The following WAPL variants were observed in gnomAD, a reference collection of about 807,000 sequenced individuals.
The protein encoded by WAPL is wings apart-like protein homolog.
A neutral mutation model predicts 121.0 loss-of-function variants in WAPL; 5 were observed. The observed-to-expected ratio is 0.04, with a 90% CI of 0.02 to 0.09. The LOEUF is 0.09. Ranked by LOEUF, WAPL falls within the 10% of genes least tolerant of loss-of-function variation. The pLI is 1.00. For missense variants in WAPL, 999 were observed against 1,410.8 expected, an observed-to-expected ratio of 0.71 and a Z score of 4.68; for synonymous variants, 480 against 481.5, an observed-to-expected ratio of 1.00 and a Z score of 0.04.
At chr10:86,447,066 G>C (rs1849640994) in intron 15 of WAPL, among the ~76,000 whole-genome samples, 1 of 152,168 alleles carries the variant, frequency 6.6e-6, no homozygotes, top group Non-Finnish European at 1.5e-5. Flanking sequence ...GACCCTATCA[G>C]GGAGTAAAGG....
rs1849303741 is a variant in WAPL, at chr10:86,435,735, GT to G, written c.*1807del. The G allele has an allele frequency of 6.6e-6, 1 of 152,506 alleles. No homozygotes were observed. The highest frequency in any genetic ancestry group is 1.5e-5 in the Non-Finnish European group (1 of 68,028). 9.4% of individuals were successfully genotyped at this position (152,506 alleles called of 1,614,324 possible). A position where few individuals can be genotyped will look rare whatever the true frequency, so the allele number is the denominator to read the frequency against. ...ATTACCAGTGTAACAGAAAAATGCA[GT>G]TCGCCCTGATTGTTCTCATCCAAAT... On this transcript the variant is annotated 3_prime_UTR_variant, in exon 19 of 19. Coordinates refer to ENST00000298767, the MANE Select transcript of WAPL (RefSeq NM_015045.5).
chr10:86,486,696 C>T (rs1330339951), intron 4 of WAPL, among the ~76,000 whole-genome samples: 1 of 152,202 alleles, frequency 6.6e-6, no homozygotes, highest in African/African-American at 2.4e-5. Flanking sequence ...TGGCTTATGC[C>T]TGTAATCCCA....
rs1178788083 is a variant in WAPL at position 86,435,868 on chromosome 10, AT to A, written c.*1674del. On this transcript the variant is annotated 3_prime_UTR_variant, in exon 19 of 19. Transcript: ENST00000298767. ...ATATCAATGTATTTTGCATTTTAAAATAAAATATAACTAATTTAATTTTACG... is the reference window on the plus strand; with the variant it reads ...ATATCAATGTATTTTGCATTTTAAAAAAAATATAACTAATTTAATTTTACG... 3.9e-5 allele frequency: 6 copies of A among 152,244 alleles called. No individual in the cohort carries two copies. Among genetic ancestry groups the A allele is most frequent in the South Asian group, 4.1e-4 (2 of 4,832 alleles). The allele number at this position is 152,244 out of a possible 1,614,324, so 9.4% of individuals were successfully genotyped here.
At position 86,499,783 on chromosome 10, in the gene WAPL, G is replaced by A; in HGVS notation, c.1460C>T (p.Ser487Phe). The change falls in exon 3 of 19, where the codon TCC (serine) becomes TTC (phenylalanine). Residue 487 changes from serine (S) to phenylalanine (F), a missense_variant. Ser to Phe is a radical substitution (Grantham distance 155). Around this residue, in one of 7 missense-constraint regions of WAPL, gnomAD observed 531 missense variants for 563.1 expected, o/e 0.94. Coordinates refer to ENST00000298767, the MANE Select transcript of WAPL (RefSeq NM_015045.5). ...KKRTKTAPSP[S>F]LQPPPESNDN... Reference sequence around the variant, plus strand: ...ATTGCTTTCTGGGGGAGGCTGCAAGGAGGGTGATGGAGCTGTTTTAGTTCT... The same window carrying A: ...ATTGCTTTCTGGGGGAGGCTGCAAGAAGGGTGATGGAGCTGTTTTAGTTCT... 1 of 1,609,826 alleles carries A rather than the reference G, an allele frequency of 6.2e-7. No individual in the cohort carries two copies. The highest frequency in any genetic ancestry group is 2.2e-5 in the East Asian group (1 of 44,866).
Position 86,461,159 on chromosome 10 carries a change from A to C in WAPL, c.2482+17T>G. 6.4e-7 allele frequency: 1 copy of C among 1,556,852 alleles called. No individual in the cohort carries two copies. ...TTTAAATAATATATAAAAACATTCT[A>C]AATGTAAATATCATACCTTTATCTA... On this transcript the variant is annotated intron_variant, in intron 10 of 18. Transcript: ENST00000298767.
At chr10:86,515,864 CTT>C (rs377683656) in intron 2 of WAPL, among the ~76,000 whole-genome samples, 3 of 101,146 alleles carry the variant, frequency 3.0e-5, no homozygotes, top group African/African-American at 7.7e-5. Flanking sequence ...CTGTCTATGC[CTT>C]TTTTTTTTTT....
At chr10:86,478,952 C>T (rs1221240821) in intron 4 of WAPL, among the ~76,000 whole-genome samples, 1 of 151,942 alleles carries the variant, frequency 6.6e-6, no homozygotes, top group Non-Finnish European at 1.5e-5. Context: ...AAAAAATTAG[C>T]CGGGTGTGGT....
At chr10:86,471,125 T>G (rs757653648) in intron 7 of WAPL, 22 bp from the exon 8 acceptor site, 1 of 1,604,398 alleles carries the variant, frequency 6.2e-7, no homozygotes. Context: ...TAGAGCAGGT[T>G]AGGGGGGCTG....
At chr10:86,506,345 G>T (rs572299835) in intron 2 of WAPL, among the ~76,000 whole-genome samples, 146 of 152,326 alleles carry the variant, frequency 9.6e-4, no homozygotes, top group Non-Finnish European at 1.6e-3. Flanking sequence ...TCCTAACTTA[G>T]GTAATGGTTA....
rs1841477618 is a variant in WAPL at position 86,469,257 on chromosome 10, T to C, written c.2142+1735A>G. Among the ~76,000 whole-genome samples, 8 of 142,826 alleles carry C rather than the reference T, an allele frequency of 5.6e-5. 1 individual carries two copies. The highest frequency in any genetic ancestry group is 1.3e-4 in the African/African-American group (5 of 38,952). The allele number at this position is 142,826 out of a possible 152,430, so 93.7% of individuals were successfully genotyped here. A position where few individuals can be genotyped will look rare whatever the true frequency, so the allele number is the denominator to read the frequency against. On this transcript the variant is annotated intron_variant, in intron 8 of 18. Coordinates refer to ENST00000298767, the MANE Select transcript of WAPL (RefSeq NM_015045.5). ...TGAACCAAATAATTTTTTTTTTTTT[T>C]TTTTTTTTTTTTTGAGACGGAGTCT...
intron 15 of WAPL, 78 bp from the exon 16 acceptor site, chr10:86,446,527 T>C: frequency 1.4e-6 from 2 of 1,416,186 alleles, no homozygotes; most frequent in Non-Finnish European, 1.9e-6. Flanking sequence ...AAAGTTATAG[T>C]TGCTTTTAAA....
At position 86,451,551 on chromosome 10, in the gene WAPL, C is replaced by T. The variant is rs577693725; in HGVS notation, c.3114+416G>A. On this transcript the variant is annotated intron_variant, in intron 15 of 18. Transcript: ENST00000298767. ...GGGATTACAGGTGCATGCCACCATG[C>T]CTGGCTAACTTTTGTATTTTTAGTA... is the stretch of plus-strand genomic sequence containing the variant. 4.6e-5 allele frequency among the ~76,000 whole-genome samples: 7 copies of T among 152,132 alleles called. No homozygotes were observed. In the South Asian group the frequency reaches 1.5e-3, roughly 32 times the overall value.
chr10:86,470,848 A>C, intron 8 of WAPL, 144 bp downstream of exon 8: 1 of 614,736 alleles, frequency 1.6e-6, no homozygotes, highest in Non-Finnish European at 2.6e-6. Context: ...TCTGGCCATA[A>C]GCACTACAAA....
chr10:86,435,688 G>A lies in WAPL; in HGVS notation c.*1855C>T, dbSNP rs1161143113. The A allele has an allele frequency of 6.6e-6, 1 of 151,700 alleles. No homozygotes were observed. The highest frequency in any genetic ancestry group is 2.4e-5 in the African/African-American group (1 of 41,036). 9.4% of individuals were successfully genotyped at this position (151,700 alleles called of 1,614,324 possible). ...ACAAAACAAAAAACTGTTAAACACT[G>A]AGGTAAATCAATTTTCAAATGATTA... On this transcript the variant is annotated 3_prime_UTR_variant, in exon 19 of 19. Coordinates refer to ENST00000298767, the MANE Select transcript of WAPL (RefSeq NM_015045.5).
chr10:86,442,178 T>C (rs1849487324), intron 17 of WAPL, among the ~76,000 whole-genome samples: 2 of 152,168 alleles, frequency 1.3e-5, no homozygotes, highest in Admixed American at 1.3e-4. Flanking sequence ...ATTAGAGGTG[T>C]GCACCGCCAC....
chr10:86,442,175 G>T (rs1257251920), intron 17 of WAPL, among the ~76,000 whole-genome samples: 2 of 152,158 alleles, frequency 1.3e-5, no homozygotes, highest in Non-Finnish European at 2.9e-5. Context: ...GAGATTAGAG[G>T]TGTGCACCGC....
At chr10:86,508,089 T>C (rs924576990) in intron 2 of WAPL, among the ~76,000 whole-genome samples, 1 of 152,174 alleles carries the variant, frequency 6.6e-6, no homozygotes, top group Middle Eastern at 3.2e-3. Flanking sequence ...TTAGTGACCA[T>C]GTGTTTTTAG....
At chr10:86,455,699 AAG>A (rs1423349337) in intron 12 of WAPL, among the ~76,000 whole-genome samples, 33 of 131,116 alleles carry the variant, frequency 2.5e-4, no homozygotes, top group African/African-American at 8.3e-4. Context: ...AAAAAAAAGA[AAG>A]AAAGAAAAAA....
At chr10:86,468,133 T>A (rs1245812450) in intron 8 of WAPL, among the ~76,000 whole-genome samples, 1 of 152,190 alleles carries the variant, frequency 6.6e-6, no homozygotes, top group Non-Finnish European at 1.5e-5. Flanking sequence ...GCTAAGAGTT[T>A]ATAAAACATT....
Sources: gnomAD v4.1 joint callset for allele counts (sites outside exome capture counted in the v4.1 genomes callset) on GRCh38, gnomAD v4.1.1 for gene constraint, gnomAD v4.1.1 regional missense constraint, MANE v1.5 for transcripts, NCBI Gene and HGNC (gene_info 2026-07-23, HGNC 2026-07-21) for gene names.